The following GRAP variants were observed in gnomAD, a reference collection of about 807,000 sequenced individuals.
GRAP encodes the protein GRB2 related adaptor protein.
In GRAP, 2 loss-of-function variants were observed where a neutral mutation model predicts 9.1. The observed-to-expected ratio is 0.22, with a 90% CI of 0.09 to 0.69. GRAP has a LOEUF of 0.69. Ranked by LOEUF, GRAP falls within the 30% of genes least tolerant of loss-of-function variation. GRAP has a pLI of 0.81. For synonymous variants in GRAP, 68 were observed against 73.6 expected, an observed-to-expected ratio of 0.92 and a Z score of 0.39; for missense variants, 113 against 179.4, an observed-to-expected ratio of 0.63 and a Z score of 2.12.
intron 4 of GRAP, chr17:19,022,350 G>A: frequency 2.3e-6 from 1 of 431,668 alleles, no homozygotes; most frequent in East Asian, 3.6e-5. Flanking sequence ...TGCAGATGCT[G>A]CATCTACATA....
chr17:19,032,113 A>G (rs1420152274), intron 3 of GRAP: 1 of 147,942 alleles, frequency 6.8e-6, no homozygotes, highest in African/African-American at 2.4e-5. Context: ...ACTGCTCCCT[A>G]AGACTGTCCA....
intron 3 of GRAP, chr17:19,031,586 AT>A (rs1422404074): frequency 1.0e-4 from 14 of 133,960 alleles, no homozygotes; most frequent in African/African-American, 4.0e-4. Flanking sequence ...TGGAGCCTTA[AT>A]ATAATTATGA....
At chr17:19,029,808 C>T (rs1330684750) in intron 3 of GRAP, among the ~76,000 whole-genome samples, 1 of 25,732 alleles carries the variant, frequency 3.9e-5, no homozygotes, top group African/African-American at 1.3e-4. Context: ...GCCCCGGAAC[C>T]GGGAGGGCTG....
At chr17:19,023,630 G>C (rs2074277) in intron 4 of GRAP, among the ~76,000 whole-genome samples, 39 of 79,392 alleles carry the variant, frequency 4.9e-4, no homozygotes, top group South Asian at 1.0e-3. Flanking sequence ...GGATGACCCC[G>C]ACCCCCCACC....
At chr17:19,029,945 C>T (rs1002539730) in intron 3 of GRAP, among the ~76,000 whole-genome samples, 1 of 58,690 alleles carries the variant, frequency 1.7e-5, no homozygotes, top group South Asian at 3.7e-4. Context: ...TGGGCAGTGC[C>T]GGGGGTGTGA....
chr17:19,025,226 C>G (rs1336997016), intron 3 of GRAP, among the ~76,000 whole-genome samples: 3 of 142,296 alleles, frequency 2.1e-5, no homozygotes, highest in Non-Finnish European at 4.6e-5. Flanking sequence ...GAGTCTCGCT[C>G]TGTCACCCAG....
In GRAP at chr17:19,021,203, G is replaced by A. The variant is rs1273161645; in HGVS notation, c.*756C>T. 2 of 152,286 alleles carry A rather than the reference G, an allele frequency of 1.3e-5. No homozygotes were observed. Among genetic ancestry groups the A allele is most frequent in the African/African-American group, 4.8e-5 (2 of 41,450 alleles). The allele number at this position is 152,286 out of a possible 1,614,324, so 9.4% of individuals were successfully genotyped here. A position where few individuals can be genotyped will look rare whatever the true frequency, so the allele number is the denominator to read the frequency against. ...GAGAGCTCTGCTGGGCCCCGGTCTG[G>A]GCAGAACCTGGGCCTAAACAAACAA... On this transcript the variant is annotated 3_prime_UTR_variant, in exon 5 of 5. Coordinates refer to ENST00000284154, the MANE Select transcript of GRAP (RefSeq NM_006613.4). This position sits in a 1 kb window ranked among gnomAD's most constrained non-coding sequence, Gnocchi z 4.1.
upstream of GRAP, among the ~76,000 whole-genome samples, chr17:19,050,909 C>T (rs1412496931): frequency 6.6e-6 from 1 of 152,048 alleles, no homozygotes; most frequent in African/African-American, 2.4e-5. Context: ...ATTGGCCAGG[C>T]ATGGTGGCGC....
In GRAP at chr17:19,024,080, G is replaced by C. The variant is rs1449481139; in HGVS notation, c.468+135C>G. 1.3e-5 allele frequency: 11 copies of C among 836,786 alleles called. No individual in the cohort carries two copies. The highest frequency in any genetic ancestry group is 2.1e-5 in the Non-Finnish European group (11 of 531,192). The allele number at this position is 836,786 out of a possible 1,614,324, so 51.8% of individuals were successfully genotyped here. ...GGATATAACTTCGAAGCCTGGGCTG[G>C]ACGCCTCTTGCAATACCAGGCTGCT... On this transcript the variant is annotated intron_variant, in intron 4 of 4. Coordinates refer to ENST00000284154, the MANE Select transcript of GRAP (RefSeq NM_006613.4). This position sits in a 1 kb window ranked among gnomAD's most constrained non-coding sequence, Gnocchi z 4.2.
At position 19,021,971 on chromosome 17, in the gene GRAP, G is replaced by C. The variant is rs1181975582; in HGVS notation, c.642C>G (p.Pro214=). The stretch of plus-strand genomic sequence containing the variant: ...GCCGCCGGGCTGCTCACAGGTGCAC[G>C]GGCTGCACGTAACTCCGTGGGAAGA... ...VGFFPRSYVQ[P]VHL Residue 214 remains proline (P), a synonymous_variant, in exon 5 of 5, where the codon CCC becomes CCG. Transcript: ENST00000284154. This position sits in a 1 kb window ranked among gnomAD's most constrained non-coding sequence, Gnocchi z 4.1. 1.9e-6 allele frequency: 3 copies of C among 1,561,324 alleles called. No individual in the cohort carries two copies. Among genetic ancestry groups the C allele is most frequent in the Non-Finnish European group, 2.6e-6 (3 of 1,155,210 alleles).
At chr17:19,025,712 A>G (rs2044310454) in intron 3 of GRAP, among the ~76,000 whole-genome samples, 1 of 118,014 alleles carries the variant, frequency 8.5e-6, no homozygotes, top group Admixed American at 9.7e-5. Context: ...TCCCAGGTTC[A>G]CGCCATTCTC....
In GRAP at chr17:19,024,425, C is replaced by T. The variant is rs1219322046; in HGVS notation, c.300-42G>A. 1.3e-6 allele frequency: 2 copies of T among 1,593,630 alleles called. No homozygotes were observed. Among genetic ancestry groups the T allele is most frequent in the East Asian group, 2.3e-5 (1 of 44,154 alleles). ...GGGGCCACCTCAGGTGGTGGCCGTC[C>T]CAGCCTGGCATGGTCCCAGGGGCTC... On this transcript the variant is annotated intron_variant, in intron 3 of 4. Coordinates refer to ENST00000284154, the MANE Select transcript of GRAP (RefSeq NM_006613.4). This position sits in a 1 kb window ranked among gnomAD's most constrained non-coding sequence, Gnocchi z 4.2.
chr17:19,024,184 C>T lies in GRAP; in HGVS notation c.468+31G>A, dbSNP rs763340856. On this transcript the variant is annotated intron_variant, in intron 4 of 4. Coordinates refer to ENST00000284154, the MANE Select transcript of GRAP (RefSeq NM_006613.4). This position sits in a 1 kb window ranked among gnomAD's most constrained non-coding sequence, Gnocchi z 4.2. ...GCAGATGGCAGGAGGTGCAGAGAGGCTCCCACAGGCCAGCCCCCACCCGCC... is the reference window on the plus strand; with the variant it reads ...GCAGATGGCAGGAGGTGCAGAGAGGTTCCCACAGGCCAGCCCCCACCCGCC... 1.3e-6 allele frequency: 2 copies of T among 1,556,508 alleles called. No homozygotes were observed. The highest frequency in any genetic ancestry group is 1.2e-5 in the South Asian group (1 of 84,592).
At position 19,021,952 on chromosome 17, in the gene GRAP, G is replaced by A. The variant is rs1282007611; in HGVS notation, c.*7C>T. The A allele has an allele frequency of 2.0e-6, 3 of 1,515,450 alleles. No homozygotes were observed. The highest frequency in any genetic ancestry group is 2.4e-4 in the Middle Eastern group (1 of 4,188). The allele number at this position is 1,515,450 out of a possible 1,614,324, so 93.9% of individuals were successfully genotyped here. A position where few individuals can be genotyped will look rare whatever the true frequency, so the allele number is the denominator to read the frequency against. The stretch of plus-strand genomic sequence containing the variant: ...AGGCCCGTTGGCCAGATCGGCCGCC[G>A]GGCTGCTCACAGGTGCACGGGCTGC... On this transcript the variant is annotated 3_prime_UTR_variant, in exon 5 of 5. Transcript: ENST00000284154. The surrounding 1 kb of genome is among the most constrained non-coding windows in gnomAD (Gnocchi z 4.1).
At chr17:19,022,883 G>A (rs1230787355) in intron 4 of GRAP, among the ~76,000 whole-genome samples, 1 of 152,194 alleles carries the variant, frequency 6.6e-6, no homozygotes, top group Non-Finnish European at 1.5e-5. Flanking sequence ...GTAATTAGCA[G>A]CTCTCTGCCC....
intron 3 of GRAP, chr17:19,030,554 G>A (rs2044332966): frequency 4.5e-5 from 2 of 44,288 alleles, no homozygotes; most frequent in African/African-American, 4.9e-4. Flanking sequence ...CTGGGTCTTT[G>A]GAGCTCAGGG....
rs765715084 is a variant in GRAP, at chr17:19,024,165, G to C, written c.468+50C>G. The C allele has an allele frequency of 7.3e-6, 11 of 1,509,498 alleles. No individual in the cohort carries two copies. The highest frequency in any genetic ancestry group is 7.2e-6 in the Non-Finnish European group (8 of 1,109,300). 93.5% of individuals were successfully genotyped at this position (1,509,498 alleles called of 1,614,324 possible). On this transcript the variant is annotated intron_variant, in intron 4 of 4. Transcript: ENST00000284154. This position sits in a 1 kb window ranked among gnomAD's most constrained non-coding sequence, Gnocchi z 4.2. ...TGTCAGCATCTCCCCTGCTGCAGAT[G>C]GCAGGAGGTGCAGAGAGGCTCCCAC...
intron 3 of GRAP, among the ~76,000 whole-genome samples, chr17:19,027,470 G>GCA (rs778501108): frequency 0.059 from 6,528 of 110,258 alleles, 89 homozygotes; most frequent in East Asian, 0.31. Context: ...TGGGACACAT[G>GCA]CGCGCGCGCG....
At chr17:19,048,095 C>T (rs1255611242), upstream of GRAP, among the ~76,000 whole-genome samples, 8 of 95,374 alleles carry the variant, frequency 8.4e-5, no homozygotes, top group African/African-American at 2.2e-4. Context: ...TGGACTCAAG[C>T]GATCCTCCTG....
Sources: gnomAD v4.1 joint callset for allele counts (sites outside exome capture counted in the v4.1 genomes callset) on GRCh38, gnomAD v4.1.1 for gene constraint, Gnocchi (gnomAD v3.1) non-coding constraint, MANE v1.5 for transcripts, NCBI Gene and HGNC (gene_info 2026-07-23, HGNC 2026-07-21) for gene names.